The following SPTBN1 variants were observed in gnomAD, a reference collection of about 807,000 sequenced individuals.
SPTBN1 encodes the protein spectrin beta, non-erythrocytic 1.
A neutral mutation model predicts 266.4 loss-of-function variants in SPTBN1; 32 were observed. The ratio of observed to expected loss-of-function variants is 0.12; its 90% confidence interval spans 0.09 to 0.16. The LOEUF (loss-of-function observed/expected upper bound fraction) is 0.16, where lower values mean the gene tolerates loss of function less well. Among genes scored for constraint, SPTBN1 ranks in the 10% least tolerant of loss-of-function variants. The pLI is 1.00. For missense variants in SPTBN1, 2,296 were observed against 3,067.1 expected (o/e 0.75, Z 5.94); for synonymous variants, 1,336 against 1,162.2 (o/e 1.15, Z -3.04).
rs1172869975 is a variant in SPTBN1 at position 54,558,471 on chromosome 2, G to C, written c.148+31905G>C. The C allele has an allele frequency of 2.7e-6, 3 of 1,097,086 alleles. No individual in the cohort carries two copies. The highest frequency in any genetic ancestry group is 1.6e-5 in the African/African-American group (1 of 60,676). The allele number at this position is 1,097,086 out of a possible 1,614,324, so 68.0% of individuals were successfully genotyped here. A position where few individuals can be genotyped will look rare whatever the true frequency, so the allele number is the denominator to read the frequency against. ...AGGATTGGCCATATTTAAAAGTTCTGAAGTAGAACCTGCGCCTCCTCTCTG... is the reference window on the plus strand; with the variant it reads ...AGGATTGGCCATATTTAAAAGTTCTCAAGTAGAACCTGCGCCTCCTCTCTG... On this transcript the variant is annotated intron_variant, in intron 2 of 35. Coordinates refer to ENST00000356805, the MANE Select transcript of SPTBN1 (RefSeq NM_003128.3). This position sits in a 1 kb window ranked among gnomAD's most constrained non-coding sequence, Gnocchi z 4.6.
chr2:54,626,024 G>A lies in SPTBN1; in HGVS notation c.1434G>A (p.Val478=), dbSNP rs781659182. The change falls in exon 12 of 36, where the codon GTG becomes GTA. Residue 478 remains valine (V), a synonymous_variant. Transcript: ENST00000356805. The surrounding 1 kb of genome is among the most constrained non-coding windows in gnomAD (Gnocchi z 4.7). ...ACATTGCCGCATACGAGGAGCGTGTGCAGGCTGTGGTAGCCGTGGCCAGGG... is the reference window on the plus strand; with the variant it reads ...ACATTGCCGCATACGAGGAGCGTGTACAGGCTGTGGTAGCCGTGGCCAGGG... ...ETDIAAYEER[V]QAVVAVAREL... is the part of the protein sequence containing the mutation. 3.1e-6 allele frequency: 5 copies of A among 1,614,070 alleles called. No individual in the cohort carries two copies. The African/African-American group carries it at 4.0e-5, about 13-fold the overall frequency.
chr2:54,511,751 C>CT (rs1669867643), intron 1 of SPTBN1, among the ~76,000 whole-genome samples: 1 of 151,888 alleles, frequency 6.6e-6, no homozygotes, highest in Non-Finnish European at 1.5e-5. Context: ...TCTGCAATCC[C>CT]AGCTAGGGAT....
At position 54,564,467 on chromosome 2, in the gene SPTBN1, C is replaced by A. The variant is rs532045059; in HGVS notation, c.149-34625C>A. Reference sequence around the variant, plus strand: ...CTAAAGTGTCCCCATGCAGTTATCCCAGTCTCCCCACAGCAGGGCCCTGAG... The same window carrying A: ...CTAAAGTGTCCCCATGCAGTTATCCAAGTCTCCCCACAGCAGGGCCCTGAG... On this transcript the variant is annotated intron_variant, in intron 2 of 35. Coordinates refer to ENST00000356805, the MANE Select transcript of SPTBN1 (RefSeq NM_003128.3). Among the ~76,000 whole-genome samples, 35 of 152,278 alleles carry A rather than the reference C, an allele frequency of 2.3e-4. No individual in the cohort carries two copies. The South Asian group carries it at 6.4e-3, about 28-fold the overall frequency.
chr2:54,543,713 T>C (rs1300870433), intron 2 of SPTBN1, among the ~76,000 whole-genome samples: 1 of 152,204 alleles, frequency 6.6e-6, no homozygotes, highest in Non-Finnish European at 1.5e-5. Flanking sequence ...TCCTAAACAT[T>C]TATTGAGAGA....
chr2:54,591,675 C>T (rs780983659), intron 2 of SPTBN1, among the ~76,000 whole-genome samples: 4 of 152,182 alleles, frequency 2.6e-5, no homozygotes, highest in Non-Finnish European at 5.9e-5. Context: ...TTCCTGGCTC[C>T]CATCCCTTTC....
chr2:54,457,107 G>GCCCCCACCTCCGCC (rs1282421403), intron 1 of SPTBN1, among the ~76,000 whole-genome samples: 17 of 136,414 alleles, frequency 1.2e-4, no homozygotes, highest in African/African-American at 4.3e-4. Context: ...GCGGCCCCGC[G>GCCCCCACCTCCGCC]CCCCCACCTC....
At chr2:54,662,619 TCA>T (rs1301070110) in intron 32 of SPTBN1, 2 of 152,352 alleles carry the variant, frequency 1.3e-5, no homozygotes, top group Admixed American at 6.5e-5. Context: ...CTCTCTGGAC[TCA>T]CACCTGGCTC....
At chr2:54,518,584 C>G (rs1670252286) in intron 1 of SPTBN1, among the ~76,000 whole-genome samples, 1 of 152,100 alleles carries the variant, frequency 6.6e-6, no homozygotes, top group Admixed American at 6.6e-5. Context: ...CCTTAGAAGG[C>G]CTTTTTAAAG....
intron 1 of SPTBN1, among the ~76,000 whole-genome samples, chr2:54,481,784 T>C (rs1274781355): frequency 6.6e-6 from 1 of 152,190 alleles, no homozygotes; most frequent in East Asian, 1.9e-4. Flanking sequence ...GGAATCCAAT[T>C]AAAGCTGTTT....
intron 1 of SPTBN1, among the ~76,000 whole-genome samples, chr2:54,507,572 A>G (rs916220487): frequency 1.8e-4 from 27 of 152,186 alleles, no homozygotes; most frequent in African/African-American, 6.5e-4. Flanking sequence ...GAGAAACTAA[A>G]TGGAAGACAC....
chr2:54,481,423 T>C (rs1273244038), intron 1 of SPTBN1, among the ~76,000 whole-genome samples: 1 of 135,318 alleles, frequency 7.4e-6, no homozygotes. Flanking sequence ...TGTGTGTGTG[T>C]GTGTGTGTGT....
At chr2:54,519,161 C>G (rs1670280847) in intron 1 of SPTBN1, among the ~76,000 whole-genome samples, 1 of 152,136 alleles carries the variant, frequency 6.6e-6, no homozygotes, top group Non-Finnish European at 1.5e-5. Context: ...ACCTCCCAGT[C>G]CTCCCTCTGC....
At chr2:54,490,419 A>G (rs1668626343) in intron 1 of SPTBN1, among the ~76,000 whole-genome samples, 1 of 152,208 alleles carries the variant, frequency 6.6e-6, no homozygotes, top group African/African-American at 2.4e-5. Flanking sequence ...GAAAGTATTT[A>G]AGGGATCCCC....
chr2:54,623,696 C>G, intron 10 of SPTBN1, 100 bp downstream of exon 10: 2 of 906,668 alleles, frequency 2.2e-6, no homozygotes, highest in Non-Finnish European at 3.4e-6. Flanking sequence ...CTGGAAGGGG[C>G]TGTCCCCACC....
At chr2:54,550,059 A>G (rs1436372731) in intron 2 of SPTBN1, among the ~76,000 whole-genome samples, 1 of 152,216 alleles carries the variant, frequency 6.6e-6, no homozygotes, top group Non-Finnish European at 1.5e-5. Flanking sequence ...CCTTACAGTA[A>G]AAGTCAGGTG....
intron 1 of SPTBN1, among the ~76,000 whole-genome samples, chr2:54,502,300 G>A (rs1573287139): frequency 6.6e-6 from 1 of 152,048 alleles, no homozygotes; most frequent in Admixed American, 6.5e-5. Context: ...CAGGACCTCA[G>A]GAACGTAGCC....
intron 1 of SPTBN1, among the ~76,000 whole-genome samples, chr2:54,486,736 TAAA>T (rs370461438): frequency 7.6e-6 from 1 of 132,112 alleles, no homozygotes; most frequent in African/African-American, 2.8e-5. Flanking sequence ...AATAATAAAT[TAAA>T]AAAAAAAAAA....
intron 2 of SPTBN1, among the ~76,000 whole-genome samples, chr2:54,579,202 G>T (rs1486484934): frequency 6.6e-6 from 1 of 151,970 alleles, no homozygotes; most frequent in African/African-American, 2.4e-5. Flanking sequence ...TTTACTTTCA[G>T]TTGCAGTGTT....
At chr2:54,564,500 C>T (rs1402258092) in intron 2 of SPTBN1, among the ~76,000 whole-genome samples, 2 of 152,202 alleles carry the variant, frequency 1.3e-5, no homozygotes, top group African/African-American at 2.4e-5. Context: ...GAGAAGAGTG[C>T]TCCGTGCAAA....
Sources: allele counts gnomAD v4.1 joint callset (sites outside exome capture counted in the v4.1 genomes callset), GRCh38; gene constraint gnomAD v4.1.1; non-coding constraint Gnocchi (gnomAD v3.1); transcripts MANE v1.5; gene names NCBI Gene and HGNC (gene_info 2026-07-23, HGNC 2026-07-21).